Variants in KAZN observed in about 807,000 individuals in gnomAD.
KAZN encodes the protein kazrin.
A neutral mutation model predicts 87.4 loss-of-function variants in KAZN; 40 were observed. The ratio of observed to expected loss-of-function variants is 0.46; its 90% CI spans 0.36 to 0.60. The LOEUF is 0.60. KAZN is among the 20% of genes least tolerant of loss of function. KAZN has a pLI of 0.00. For missense variants in KAZN, 898 were observed against 1,073.9 expected, an observed-to-expected ratio of 0.84 and a Z score of 2.29; for synonymous variants, 466 against 458.3, an observed-to-expected ratio of 1.02 and a Z score of -0.22.
At chr1:14,764,318 A>G (rs1331558563) in intron 1 of KAZN, among the ~76,000 whole-genome samples, 1 of 151,596 alleles carries the variant, frequency 6.6e-6, no homozygotes, top group South Asian at 2.1e-4. Context: ...TCCCCTTCCC[A>G]ATAAGCCTTC....
At chr1:14,054,173 T>C (rs76563333) in intron 1 of KAZN, among the ~76,000 whole-genome samples, 1 of 151,982 alleles carries the variant, frequency 6.6e-6, no homozygotes, top group Non-Finnish European at 1.5e-5. Context: ...AAAAAAAAAA[T>C]CTCACATGTA....
Position 13,902,215 on chromosome 1 carries a change from C to T in KAZN, c.91+8459C>T, listed in dbSNP as rs534537934. Among the ~76,000 whole-genome samples, 8 of 152,342 alleles carry T rather than the reference C, an allele frequency of 5.3e-5. No homozygotes were observed. In the East Asian group the frequency reaches 5.8e-4, roughly 11 times the overall value. On this transcript the variant is annotated intron_variant, in intron 1 of 16. Coordinates refer to the KAZN transcript ENST00000636203. ...GCCCATTTGTGGGAGAATAACTTGG[C>T]GATCCTTCTTTACCCTTGGTTCTTT...
At chr1:14,450,472 C>T (rs528574239) in intron 2 of KAZN, among the ~76,000 whole-genome samples, 1 of 152,268 alleles carries the variant, frequency 6.6e-6, no homozygotes, top group African/African-American at 2.4e-5. Context: ...CACCTGTAAT[C>T]CCAGCTACTC....
At chr1:14,379,975 G>A (rs1326882718) in intron 2 of KAZN, among the ~76,000 whole-genome samples, 1 of 152,110 alleles carries the variant, frequency 6.6e-6, no homozygotes, top group Non-Finnish European at 1.5e-5. Context: ...GTGGTGGTGG[G>A]CACAGAGGTG....
At chr1:14,928,233 G>A (rs566458737) in intron 1 of KAZN, among the ~76,000 whole-genome samples, 8 of 152,114 alleles carry the variant, frequency 5.3e-5, no homozygotes, top group Admixed American at 2.6e-4. Flanking sequence ...GGCGGATCAC[G>A]AGGTCAGGAG....
intron 2 of KAZN, among the ~76,000 whole-genome samples, chr1:14,197,106 G>A (rs373950405): frequency 1.2e-3 from 179 of 152,206 alleles, no homozygotes; most frequent in African/African-American, 4.2e-3. Flanking sequence ...ATGAGTTCAG[G>A]AAAGAATGGG....
chr1:14,236,544 C>G (rs986364787), intron 2 of KAZN, among the ~76,000 whole-genome samples: 6 of 152,218 alleles, frequency 3.9e-5, no homozygotes, highest in African/African-American at 1.4e-4. Flanking sequence ...GAGCAAAGCT[C>G]TGTTCTGCTT....
At chr1:13,947,594 G>T (rs1641193316) in intron 1 of KAZN, among the ~76,000 whole-genome samples, 1 of 152,178 alleles carries the variant, frequency 6.6e-6, no homozygotes, top group Non-Finnish European at 1.5e-5. Context: ...ACTTGTGATT[G>T]CCCTTAGGGC....
Position 14,428,438 on chromosome 1 carries a change from T to A in KAZN, c.250-170545T>A, listed in dbSNP as rs559363010. Among the ~76,000 whole-genome samples the A allele has an allele frequency of 1.9e-4, 29 of 152,286 alleles. No homozygotes were observed. In the South Asian group the frequency reaches 6.0e-3, roughly 32 times the overall value. The stretch of plus-strand genomic sequence containing the variant: ...AAAGGAGGTATATAAAAAATAGATA[T>A]ATTCAATCAGATCAAACAAGAATTT... On this transcript the variant is annotated intron_variant, in intron 2 of 16. Coordinates refer to the KAZN transcript ENST00000636203.
chr1:14,034,959 C>T (rs1165398316), intron 1 of KAZN, among the ~76,000 whole-genome samples: 1 of 152,180 alleles, frequency 6.6e-6, no homozygotes, highest in African/African-American at 2.4e-5. Flanking sequence ...ATTCTGCGCT[C>T]CCAGCCTGGC....
At chr1:14,964,994 G>T (rs886919037) in intron 2 of KAZN, among the ~76,000 whole-genome samples, 1 of 152,102 alleles carries the variant, frequency 6.6e-6, no homozygotes, top group African/African-American at 2.4e-5. Context: ...CTTAAAGGCA[G>T]AAGCCTGAAT....
intron 1 of KAZN, among the ~76,000 whole-genome samples, chr1:14,639,926 A>T (rs2294885): frequency 0.75 from 114,532 of 151,948 alleles, 43,253 homozygotes; most frequent in South Asian, 0.84. Context: ...CCCGTACCTA[A>T]GAGGTCAGAG....
chr1:14,382,946 G>C (rs1037494445), intron 2 of KAZN, among the ~76,000 whole-genome samples: 4 of 151,408 alleles, frequency 2.6e-5, no homozygotes, highest in South Asian at 2.1e-4. Flanking sequence ...CGGTGTAAAA[G>C]TGTTCCTATT....
chr1:13,931,277 A>G (rs1640498306), intron 1 of KAZN, among the ~76,000 whole-genome samples: 1 of 152,208 alleles, frequency 6.6e-6, no homozygotes, highest in South Asian at 2.1e-4. Flanking sequence ...GTACATGGCT[A>G]TGATTGGATT....
intron 2 of KAZN, among the ~76,000 whole-genome samples, chr1:14,235,816 G>T (rs2100558190): frequency 6.6e-6 from 1 of 152,232 alleles, no homozygotes; most frequent in East Asian, 1.9e-4. Context: ...GTCCCTTCTG[G>T]CTTTATTGCT....
intron 1 of KAZN, among the ~76,000 whole-genome samples, chr1:14,064,365 GA>G (rs79464161): frequency 0.016 from 2,438 of 152,254 alleles, 58 homozygotes; most frequent in East Asian, 0.066. Flanking sequence ...ACCGTCACCA[GA>G]AAAGGCACGG....
intron 1 of KAZN, among the ~76,000 whole-genome samples, chr1:14,947,307 A>G (rs1271554983): frequency 1.3e-5 from 2 of 152,062 alleles, no homozygotes; most frequent in African/African-American, 2.4e-5. Flanking sequence ...ATGAGGATGG[A>G]TGGAAAGTCC....
chr1:14,662,175 C>T (rs1366525346), intron 1 of KAZN, among the ~76,000 whole-genome samples: 1 of 152,120 alleles, frequency 6.6e-6, no homozygotes, highest in Non-Finnish European at 1.5e-5. Flanking sequence ...TCATTATTTC[C>T]TCTCCCCCAG....
At chr1:13,919,560 G>A (rs1289763837) in intron 1 of KAZN, among the ~76,000 whole-genome samples, 1 of 152,206 alleles carries the variant, frequency 6.6e-6, no homozygotes, top group Non-Finnish European at 1.5e-5. Context: ...CCTAGGAGTA[G>A]AACTGGATCA....
Sources: allele counts gnomAD v4.1 joint callset (sites outside exome capture counted in the v4.1 genomes callset), GRCh38; gene constraint gnomAD v4.1.1; transcripts MANE v1.5; gene names NCBI Gene and HGNC (gene_info 2026-07-23, HGNC 2026-07-21).